COL27A1: variants seen among roughly 807,000 people sequenced by gnomAD.
COL27A1 encodes collagen type XXVII alpha 1 chain.
COL27A1 carries 106 observed loss-of-function variants against 251.3 expected under a neutral mutation model. The observed-to-expected ratio is 0.42, with a 90% CI of 0.36 to 0.50. COL27A1 has a LOEUF of 0.50. Ranked by LOEUF, COL27A1 falls within the 20% of genes least tolerant of loss-of-function variation. The pLI, the probability that COL27A1 is intolerant of heterozygous loss-of-function variation, is 0.00. For missense variants in COL27A1, 2,325 were observed against 2,522.8 expected, an observed-to-expected ratio of 0.92 and a Z score of 1.68; for synonymous variants, 1,000 against 986.3, an observed-to-expected ratio of 1.01 and a Z score of -0.26.
chr9:114,286,241 C>A (rs1408716928), intron 41 of COL27A1, among the ~76,000 whole-genome samples: 2 of 152,150 alleles, frequency 1.3e-5, no homozygotes, highest in Non-Finnish European at 2.9e-5. Flanking sequence ...TGGGGTGACC[C>A]ATTGAGCACA....
At chr9:114,186,128 G>T (rs2135194460) in intron 5 of COL27A1, among the ~76,000 whole-genome samples, 1 of 152,330 alleles carries the variant, frequency 6.6e-6, no homozygotes, top group African/African-American at 2.4e-5. Context: ...ACAGGCCAGA[G>T]CCAGGCCACA....
At chr9:114,247,598 C>A (rs1479481708) in intron 24 of COL27A1, among the ~76,000 whole-genome samples, 2 of 152,226 alleles carry the variant, frequency 1.3e-5, no homozygotes, top group East Asian at 3.9e-4. Context: ...GGGGTGGGAA[C>A]CTTGCCTGGA....
intron 12 of COL27A1, among the ~76,000 whole-genome samples, chr9:114,217,562 C>A (rs1464470638): frequency 6.6e-6 from 1 of 152,240 alleles, no homozygotes; most frequent in Non-Finnish European, 1.5e-5. Flanking sequence ...CTGAGCAGGA[C>A]AGAGGGTCAA....
intron 12 of COL27A1, among the ~76,000 whole-genome samples, chr9:114,213,513 G>A (rs537085209): frequency 6.6e-6 from 1 of 152,230 alleles, no homozygotes; most frequent in Admixed American, 6.5e-5. Flanking sequence ...ATTACTCTAT[G>A]CCAGGCACTA....
intron 6 of COL27A1, among the ~76,000 whole-genome samples, chr9:114,195,455 A>C (rs920668476): frequency 6.6e-6 from 1 of 152,196 alleles, no homozygotes; most frequent in African/African-American, 2.4e-5. Context: ...GCTGGAGGTC[A>C]TGCAGCTGAT....
chr9:114,288,602 A>C, intron 42 of COL27A1, 91 bp downstream of exon 42: 1 of 1,535,440 alleles, frequency 6.5e-7, no homozygotes, highest in Non-Finnish European at 8.9e-7. Flanking sequence ...ATCAGGGGCC[A>C]GGTCCCTGAG....
intron 2 of COL27A1, among the ~76,000 whole-genome samples, chr9:114,163,178 G>T (rs1330123254): frequency 6.6e-6 from 1 of 152,096 alleles, no homozygotes; most frequent in East Asian, 1.9e-4. Context: ...AGGTTGCAGT[G>T]TGCCCAGATC....
At position 114,168,029 on chromosome 9, in the gene COL27A1, C is replaced by T. The variant is rs754848059; in HGVS notation, c.474C>T (p.His158=). The change falls in exon 3 of 61, where the codon CAC becomes CAT. Residue 158 remains histidine, a synonymous_variant. Coordinates refer to ENST00000356083, the MANE Select transcript of COL27A1 (RefSeq NM_032888.4). The part of the protein sequence containing the change: ...DLDMHDGRWH[H]LALELRGRTV... ...ACATGCACGACGGGCGCTGGCACCA[C>T]CTGGCCCTCGAGCTCCGAGGCCGCA... The T allele has an allele frequency of 6.2e-7, 1 of 1,605,392 alleles. No individual in the cohort carries two copies. Among genetic ancestry groups the T allele is most frequent in the Non-Finnish European group, 8.5e-7 (1 of 1,179,732 alleles).
intron 14 of COL27A1, among the ~76,000 whole-genome samples, chr9:114,227,786 G>C (rs891325354): frequency 1.3e-5 from 2 of 152,172 alleles, no homozygotes; most frequent in African/African-American, 2.4e-5. Flanking sequence ...TCCAAATTAA[G>C]GGACTTACTC....
chr9:114,291,139 C>T (rs1827884563), intron 48 of COL27A1, among the ~76,000 whole-genome samples: 1 of 152,152 alleles, frequency 6.6e-6, no homozygotes, highest in Admixed American at 6.5e-5. Flanking sequence ...CTACCAGGCC[C>T]TTGAAACCTT....
At chr9:114,163,634 C>T (rs939622449) in intron 2 of COL27A1, among the ~76,000 whole-genome samples, 4 of 152,336 alleles carry the variant, frequency 2.6e-5, no homozygotes, top group Non-Finnish European at 4.4e-5. Context: ...CCCGCCTTCA[C>T]GCCCAGCCCG....
chr9:114,169,076 G>A lies in COL27A1; in HGVS notation c.1521G>A (p.Met507Ile). Residue 507 changes from methionine to isoleucine, a missense_variant, in exon 3 of 61, where the codon ATG becomes ATA. Met to Ile is a conservative substitution (Grantham distance 10, BLOSUM62 1). Coordinates refer to ENST00000356083, the MANE Select transcript of COL27A1 (RefSeq NM_032888.4). ...GGAGTACTCGGCCACCAGCCACGAT[G>A]GTACCTCCAACTTCGGGCACCAGCA... ...STRSTRPPAT[M>I]VPPTSGTSTP... 6.2e-7 allele frequency: 1 copy of A among 1,613,994 alleles called. No individual in the cohort carries two copies. Among genetic ancestry groups the A allele is most frequent in the South Asian group, 1.1e-5 (1 of 91,084 alleles).
intron 12 of COL27A1, among the ~76,000 whole-genome samples, chr9:114,214,032 C>T (rs185534708): frequency 1.3e-4 from 20 of 152,182 alleles, no homozygotes; most frequent in African/African-American, 2.9e-4. Flanking sequence ...GCCAGCAAAT[C>T]GGCGAGATCT....
At chr9:114,301,607 T>C (rs1222627065) in intron 54 of COL27A1, 75 bp from the exon 55 acceptor site, 6 of 1,532,558 alleles carry the variant, frequency 3.9e-6, no homozygotes, top group Admixed American at 1.9e-5. Context: ...CCAGGTCTGC[T>C]TGAGGAGGGA....
intron 16 of COL27A1, among the ~76,000 whole-genome samples, chr9:114,234,873 C>T (rs1024500390): frequency 4.7e-5 from 7 of 150,084 alleles, no homozygotes; most frequent in African/African-American, 1.7e-4. Context: ...TCAAGACCAG[C>T]TTGGGCAACA....
intron 1 of COL27A1, among the ~76,000 whole-genome samples, chr9:114,157,169 G>A (rs1438914877): frequency 6.6e-6 from 1 of 152,108 alleles, no homozygotes; most frequent in Non-Finnish European, 1.5e-5. Flanking sequence ...CTGCGCCAGG[G>A]TAGATGCCAG....
chr9:114,182,952 T>C, intron 4 of COL27A1, 70 bp from the exon 5 acceptor site: 2 of 1,320,382 alleles, frequency 1.5e-6, no homozygotes, highest in Non-Finnish European at 1.1e-6. Flanking sequence ...GTGCCAGGCA[T>C]TGCTGTCAGA....
At chr9:114,238,971 G>A (rs908788729) in intron 19 of COL27A1, among the ~76,000 whole-genome samples, 17 of 152,238 alleles carry the variant, frequency 1.1e-4, no homozygotes, top group Non-Finnish European at 2.2e-4. Flanking sequence ...AATAAGGTCT[G>A]CTTTGGCCCT....
In COL27A1 at chr9:114,290,831, G is replaced by T; in HGVS notation, c.4390G>T (p.Asp1464Tyr). 1 of 1,550,612 alleles carries T rather than the reference G, an allele frequency of 6.4e-7. No individual in the cohort carries two copies. The highest frequency in any genetic ancestry group is 8.7e-7 in the Non-Finnish European group (1 of 1,146,610). ...GQQGEQGDDG[D>Y]PGPMGPAGKR... ...ACAGGGGGAGCAGGGAGACGATGGGGACCCTGGCCCCATGGGCCCTGCTGG... is the reference window on the plus strand; with the variant it reads ...ACAGGGGGAGCAGGGAGACGATGGGTACCCTGGCCCCATGGGCCCTGCTGG... Residue 1464 changes from aspartate to tyrosine, a missense_variant, in exon 48 of 61, where the codon GAC becomes TAC. Physicochemically the swap from Asp to Tyr is radical, Grantham distance 160. Transcript: ENST00000356083. This position sits in a 1 kb window ranked among gnomAD's most constrained non-coding sequence, Gnocchi z 4.6.
Sources: allele counts gnomAD v4.1 joint callset (sites outside exome capture counted in the v4.1 genomes callset), GRCh38; gene constraint gnomAD v4.1.1; non-coding constraint Gnocchi (gnomAD v3.1); transcripts MANE v1.5; gene names NCBI Gene and HGNC (gene_info 2026-07-23, HGNC 2026-07-21).